Variants in IRX2 observed in about 807,000 individuals in gnomAD.
IRX2 encodes the protein iroquois-class homeodomain protein IRX-2.
In IRX2, 26 loss-of-function variants were observed where a neutral mutation model predicts 42.9. That is an observed-to-expected ratio of 0.61 (90% confidence interval 0.44 to 0.84). The LOEUF (loss-of-function observed/expected upper bound fraction) is 0.84. IRX2 is among the 40% of genes least tolerant of loss of function. The pLI is 0.00. For synonymous variants in IRX2, 424 were observed against 353.9 expected, an observed-to-expected ratio of 1.20 and a Z score of -2.22; for missense variants, 782 against 713.9, an observed-to-expected ratio of 1.10 and a Z score of -1.09.
downstream of IRX2, among the ~76,000 whole-genome samples, chr5:2,743,066 G>A (rs1737577164): frequency 6.6e-6 from 1 of 152,154 alleles, no homozygotes; most frequent in African/African-American, 2.4e-5. Flanking sequence ...GAGCCTCAGG[G>A]GAACCCCGAG....
the IRX2 span, among the ~76,000 whole-genome samples, chr5:2,738,707 C>A: frequency 6.6e-6 from 1 of 152,160 alleles, no homozygotes; most frequent in African/African-American, 2.4e-5. Context: ...CTGACCCTCA[C>A]CACCCCCAGC....
At chr5:2,750,237 G>T (rs1290708619) in intron 1 of IRX2, among the ~76,000 whole-genome samples, 1 of 152,146 alleles carries the variant, frequency 6.6e-6, no homozygotes, top group African/African-American at 2.4e-5. Flanking sequence ...CTGCTCTAAA[G>T]CTGGGCAAAT....
downstream of IRX2, among the ~76,000 whole-genome samples, chr5:2,744,009 A>G (rs148215457): frequency 1.7e-3 from 261 of 152,084 alleles, 2 homozygotes; most frequent in South Asian, 9.1e-3. Flanking sequence ...AGCCTTGGCT[A>G]ATCTCCTGAG....
At position 2,747,665 on chromosome 5, in the gene IRX2, G is replaced by A. The variant is rs754331651; in HGVS notation, c.1364-49C>T. The A allele has an allele frequency of 2.5e-6, 4 of 1,588,696 alleles. No homozygotes were observed. In the South Asian group the frequency reaches 4.4e-5, roughly 18 times the overall value. On this transcript the variant is annotated intron_variant, in intron 3 of 3. Transcript: ENST00000302057. ...TCAGAACCGACCCCACAGCCTGCTGGCTGCGCAGACCACCGTGCACCCACC... is the reference window on the plus strand; with the variant it reads ...TCAGAACCGACCCCACAGCCTGCTGACTGCGCAGACCACCGTGCACCCACC...
rs780954641 is a variant in IRX2 at position 2,751,417 on chromosome 5, G to C, written c.-4C>G. The C allele has an allele frequency of 1.2e-5, 15 of 1,297,450 alleles. 1 individual carries two copies. The highest frequency in any genetic ancestry group is 1.4e-5 in the Non-Finnish European group (14 of 1,022,536). 80.4% of individuals were successfully genotyped at this position (1,297,450 alleles called of 1,614,324 possible). The stretch of plus-strand genomic sequence containing the variant: ...GGTAGCCCTGCGGGTAGGACATGGT[G>C]GGCGCGGGGCGCGGGGCCCGCGTCA... On this transcript the variant is annotated 5_prime_UTR_variant, in exon 1 of 4. Coordinates refer to ENST00000302057, the MANE Select transcript of IRX2 (RefSeq NM_033267.5). This position sits in a 1 kb window ranked among gnomAD's most constrained non-coding sequence, Gnocchi z 4.0.
At chr5:2,745,647 G>A (rs1442357935), downstream of IRX2, among the ~76,000 whole-genome samples, 1 of 152,156 alleles carries the variant, frequency 6.6e-6, no homozygotes, top group Admixed American at 6.5e-5. Context: ...TGCATTATAG[G>A]AAAAGGACAG....
Position 2,747,362 on chromosome 5 carries a change from G to T in IRX2, c.*202C>A. ...TAGGTAAAGGAGTGATAGAACTTGT[G>T]CCAAAAAGAGGGAATCTATAAAACA... On this transcript the variant is annotated 3_prime_UTR_variant, in exon 4 of 4. Transcript: ENST00000302057. 2.1e-6 allele frequency: 1 copy of T among 478,688 alleles called. No individual in the cohort carries two copies. Among genetic ancestry groups the T allele is most frequent in the Non-Finnish European group, 3.8e-6 (1 of 264,238 alleles). The allele number at this position is 478,688 out of a possible 1,614,324, so 29.7% of individuals were successfully genotyped here.
downstream of IRX2, among the ~76,000 whole-genome samples, chr5:2,742,052 C>T (rs79697293): frequency 0.089 from 13,480 of 152,206 alleles, 828 homozygotes; most frequent in South Asian, 0.16. Context: ...TCTGCCTTCA[C>T]GGTAGGAAAC....
the IRX2 span, among the ~76,000 whole-genome samples, chr5:2,739,299 G>T: frequency 2.7e-5 from 4 of 149,482 alleles, no homozygotes; most frequent in South Asian, 8.7e-4. Flanking sequence ...AGCCGCGTAC[G>T]TCGTTCTCAG....
chr5:2,740,188 CG>C, the IRX2 span, among the ~76,000 whole-genome samples: 2 of 148,642 alleles, frequency 1.3e-5, no homozygotes, highest in Non-Finnish European at 3.0e-5. Flanking sequence ...CGTGCGGGGG[CG>C]GGGGTCCTGC....
Position 2,748,892 on chromosome 5 carries a change from CTCCTCGTCGTCG to C in IRX2, c.804_815del (p.Asp268_Glu271del), listed in dbSNP as rs759898376. 50 of 1,595,710 alleles carry C rather than the reference CTCCTCGTCGTCG, an allele frequency of 3.1e-5. No homozygotes were observed. The highest frequency in any genetic ancestry group is 1.3e-4 in the Admixed American group (8 of 59,864). On this transcript the variant is annotated inframe_deletion, in exon 3 of 4. Transcript: ENST00000302057. ...TGGGCGGCGCCAGGCCCCGCTCGCC[CTCCTCGTCGTCG>C]TCCTCGTCGTCCTCCAGGTCGTCAT...
rs536743937 is a variant in IRX2 at position 2,749,888 on chromosome 5, C to T, written c.250-101G>A. On this transcript the variant is annotated intron_variant, in intron 1 of 3. Coordinates refer to ENST00000302057, the MANE Select transcript of IRX2 (RefSeq NM_033267.5). ...GCCCGCCCACGGCCACCGTTCCCCCCGTGAGTCTGGCTCTGGGGCTGCGCT... is the reference window on the plus strand; with the variant it reads ...GCCCGCCCACGGCCACCGTTCCCCCTGTGAGTCTGGCTCTGGGGCTGCGCT... 36 of 1,269,140 alleles carry T rather than the reference C, an allele frequency of 2.8e-5. 1 individual carries two copies. In the South Asian group the frequency reaches 2.8e-4, roughly 10 times the overall value. 78.6% of individuals were successfully genotyped at this position (1,269,140 alleles called of 1,614,324 possible).
At chr5:2,749,081 A>C in intron 2 of IRX2, 29 bp from the exon 3 acceptor site, 2 of 1,589,512 alleles carry the variant, frequency 1.3e-6, no homozygotes, top group Non-Finnish European at 1.7e-6. Context: ...GGTGGGTGGC[A>C]CGAGGGGACA....
the IRX2 span, chr5:2,736,553 T>C: frequency 6.6e-6 from 1 of 152,262 alleles, no homozygotes; most frequent in African/African-American, 2.4e-5. Context: ...TTTGATTTGC[T>C]ATCAATTTTT....
rs1437832695 is a variant in IRX2, at chr5:2,746,390, A to AT, written c.*1173_*1174insA. On this transcript the variant is annotated 3_prime_UTR_variant, in exon 4 of 4. Coordinates refer to ENST00000302057, the MANE Select transcript of IRX2 (RefSeq NM_033267.5). Reference sequence around the variant, plus strand: ...TCAAATTTGTTTCCACTTCTGAAGTACTCAAGTTCTTCCATCACGTTTTAT... The same window carrying AT: ...TCAAATTTGTTTCCACTTCTGAAGTATCTCAAGTTCTTCCATCACGTTTTAT... 4.6e-5 allele frequency: 7 copies of AT among 152,214 alleles called. No homozygotes were observed. Among genetic ancestry groups the AT allele is most frequent in the Non-Finnish European group, 7.3e-5 (5 of 68,038 alleles). The allele number at this position is 152,214 out of a possible 1,614,324, so 9.4% of individuals were successfully genotyped here.
chr5:2,741,575 G>GA (rs953159817), downstream of IRX2, among the ~76,000 whole-genome samples: 137 of 151,444 alleles, frequency 9.0e-4, 1 homozygote, highest in African/African-American at 2.1e-3. Context: ...TCAGATAAAT[G>GA]AAAAAAAAAT....
At chr5:2,740,024 G>C in the IRX2 span, among the ~76,000 whole-genome samples, 1 of 152,170 alleles carries the variant, frequency 6.6e-6, no homozygotes, top group East Asian at 1.9e-4. Flanking sequence ...GGGTCGGTTG[G>C]TGGCTACCCA....
the IRX2 span, among the ~76,000 whole-genome samples, chr5:2,738,551 C>T: frequency 1.3e-5 from 2 of 152,122 alleles, no homozygotes; most frequent in African/African-American, 2.4e-5. Flanking sequence ...CCCCTGGCCT[C>T]TGGGGCTCAG....
At position 2,751,198 on chromosome 5, in the gene IRX2, G is replaced by T; in HGVS notation, c.216C>A (p.Ala72=). 7.9e-7 allele frequency: 1 copy of T among 1,272,938 alleles called. No individual in the cohort carries two copies. The highest frequency in any genetic ancestry group is 9.9e-7 in the Non-Finnish European group (1 of 1,011,874). 78.9% of individuals were successfully genotyped at this position (1,272,938 alleles called of 1,614,324 possible). Residue 72 remains alanine (A), a synonymous_variant, in exon 1 of 4, where the codon GCC becomes GCA. Coordinates refer to ENST00000302057, the MANE Select transcript of IRX2 (RefSeq NM_033267.5). The surrounding 1 kb of genome is among the most constrained non-coding windows in gnomAD (Gnocchi z 4.0). ...ACGGGAAGCCGGCGGCGGCGGCGGCGGCGTCGGCCGAGTACTGCAGCGGGC... is the reference window on the plus strand; with the variant it reads ...ACGGGAAGCCGGCGGCGGCGGCGGCTGCGTCGGCCGAGTACTGCAGCGGGC... ...FGSPLQYSAD[A]AAAAAGFPSY...
Sources: allele counts gnomAD v4.1 joint callset (sites outside exome capture counted in the v4.1 genomes callset), GRCh38; gene constraint gnomAD v4.1.1; non-coding constraint Gnocchi (gnomAD v3.1); transcripts MANE v1.5; gene names NCBI Gene and HGNC (gene_info 2026-07-23, HGNC 2026-07-21).